DNAAF1: variants seen among roughly 807,000 people sequenced by gnomAD.
The protein encoded by DNAAF1 is dynein axonemal assembly factor 1, also known as dynein assembly factor 1, axonemal.
A neutral mutation model predicts 71.1 loss-of-function variants in DNAAF1; 65 were observed. The observed-to-expected ratio is 0.91, with a 90% CI of 0.75 to 1.12. The LOEUF (loss-of-function observed/expected upper bound fraction) is 1.12. DNAAF1 is among the 50% of genes most tolerant of loss of function. The pLI, the probability that DNAAF1 is intolerant of heterozygous loss-of-function variation, is 0.00. For synonymous variants in DNAAF1, 414 were observed against 354.6 expected (o/e 1.17, Z -1.88); for missense variants, 1,178 against 899.8 (o/e 1.31, Z -3.96).
chr16:84,158,262 G>A (rs1252031848), intron 5 of DNAAF1, among the ~76,000 whole-genome samples: 1 of 152,172 alleles, frequency 6.6e-6, no homozygotes, highest in Non-Finnish European at 1.5e-5. Flanking sequence ...TCTGGAGACT[G>A]AAAGTCAAGA....
chr16:84,153,072 C>T (rs974680300), intron 3 of DNAAF1, among the ~76,000 whole-genome samples: 1 of 151,950 alleles, frequency 6.6e-6, no homozygotes, highest in African/African-American at 2.4e-5. Context: ...GAAATGTGAC[C>T]AGTTACTGGC....
intron 6 of DNAAF1, 26 bp from the exon 7 acceptor site, chr16:84,165,757 T>C: frequency 6.2e-7 from 1 of 1,605,328 alleles, no homozygotes; most frequent in East Asian, 2.2e-5. Context: ...ACCTCCCCTA[T>C]TTATGTTTCT....
chr16:84,148,592 C>CTTTTTTTTTTTTTTTTTTTTT (rs1298445444), intron 1 of DNAAF1, among the ~76,000 whole-genome samples: 7 of 33,486 alleles, frequency 2.1e-4, no homozygotes, highest in South Asian at 8.5e-4. Flanking sequence ...TTCTCTCTCT[C>CTTTTTTTTTTTTTTTTTTTTT]TCTCTTTTTT....
intron 1 of DNAAF1, 103 bp from the exon 2 acceptor site, chr16:84,148,904 G>C (rs570508009): frequency 1.5e-6 from 2 of 1,318,876 alleles, no homozygotes; most frequent in Non-Finnish European, 2.2e-6. Context: ...AAGAATACTG[G>C]TGTTCTATAC....
At chr16:84,157,510 CAAAAA>C (rs59707812) in intron 5 of DNAAF1, among the ~76,000 whole-genome samples, 4 of 82,346 alleles carry the variant, frequency 4.9e-5, no homozygotes, top group Non-Finnish European at 4.9e-5. Context: ...GACACTGTGT[CAAAAA>C]AAAAAAAAAA....
In DNAAF1 at chr16:84,169,929, G is replaced by A. The variant is rs772659833; in HGVS notation, c.1101G>A (p.Gly367=). The A allele has an allele frequency of 1.9e-6, 3 of 1,614,136 alleles. No homozygotes were observed. Among genetic ancestry groups the A allele is most frequent in the Non-Finnish European group, 2.5e-6 (3 of 1,180,036 alleles). The change falls in exon 8 of 12, where the codon GGG becomes GGA. Residue 367 remains glycine (G), a synonymous_variant. Transcript: ENST00000378553. ...CGGAAGGCAAGGAGGAGCCTCCCGG[G>A]GACAGAGAAACAAGGCAGAAGATGG... is the stretch of plus-strand genomic sequence containing the variant. ...ASAEGKEEPP[G]DRETRQKMEL... is the part of the protein sequence containing the mutation.
Position 84,176,083 on chromosome 16 carries a change from G to C in DNAAF1, c.1849G>C (p.Ala617Pro). 1 of 1,614,048 alleles carries C rather than the reference G, an allele frequency of 6.2e-7. No homozygotes were observed. The highest frequency in any genetic ancestry group is 1.1e-5 in the South Asian group (1 of 91,086). Residue 617 changes from alanine (A) to proline (P), a missense_variant, in exon 11 of 12, where the codon GCT becomes CCT. Physicochemically the swap from Ala to Pro is conservative, Grantham distance 27. Transcript: ENST00000378553. ...AGTCTCTAAAGACACCTCAAAGGCG[G>C]CTCGGGTGCCCTTCACAGACATCTT... Reference protein sequence around the residue: ...FAVSKDTSKAARVPFTDIFKK... With the variant: ...FAVSKDTSKAPRVPFTDIFKK...
rs148460777 is a variant in DNAAF1 at position 84,177,029 on chromosome 16, G to A, written c.2066-700G>A. ...GCCTTCAGGTGCACTCCCAAATTGG[G>A]GGCTGTGTGGAGCCCAGACCGTGCT... On this transcript the variant is annotated intron_variant, in intron 11 of 11. Coordinates refer to ENST00000378553, the MANE Select transcript of DNAAF1 (RefSeq NM_178452.6). 2.3e-3 allele frequency: 382 copies of A among 165,552 alleles called. 1 individual carries two copies. Among genetic ancestry groups the A allele is most frequent in the African/African-American group, 8.6e-3 (361 of 41,780 alleles). The allele number at this position is 165,552 out of a possible 1,614,324, so 10.3% of individuals were successfully genotyped here. A position where few individuals can be genotyped will look rare whatever the true frequency, so the allele number is the denominator to read the frequency against.
intron 4 of DNAAF1, among the ~76,000 whole-genome samples, chr16:84,155,331 C>T (rs1034836030): frequency 8.5e-5 from 13 of 152,160 alleles, no homozygotes; most frequent in East Asian, 1.9e-4. Context: ...TGGTCTCAAG[C>T]GATCCTCCCA....
At chr16:84,154,486 C>A in intron 3 of DNAAF1, 91 bp from the exon 4 acceptor site, 1 of 1,070,866 alleles carries the variant, frequency 9.3e-7, no homozygotes, top group South Asian at 1.3e-5. Flanking sequence ...CACAGACATT[C>A]AGTTCCTAAT....
intron 1 of DNAAF1, among the ~76,000 whole-genome samples, chr16:84,147,851 A>C (rs1245840408): frequency 6.6e-6 from 1 of 152,096 alleles, no homozygotes; most frequent in Non-Finnish European, 1.5e-5. Context: ...GGGTCACCTG[A>C]GGTCAGGAGT....
At chr16:84,158,494 C>A (rs935575121) in intron 5 of DNAAF1, among the ~76,000 whole-genome samples, 1 of 152,300 alleles carries the variant, frequency 6.6e-6, no homozygotes, top group African/African-American at 2.4e-5. Context: ...AATACAGTCA[C>A]ATTCTGAGGT....
chr16:84,170,961 AT>A (rs1221634205), intron 8 of DNAAF1, among the ~76,000 whole-genome samples: 1 of 152,250 alleles, frequency 6.6e-6, no homozygotes, highest in Non-Finnish European at 1.5e-5. Flanking sequence ...CAATATAAAA[AT>A]TATCAGTGAG....
chr16:84,146,389 C>A (rs1358749488), intron 1 of DNAAF1, among the ~76,000 whole-genome samples: 2 of 152,104 alleles, frequency 1.3e-5, no homozygotes, highest in African/African-American at 2.4e-5. Flanking sequence ...AGTGTGTGAT[C>A]CCCTCACCAA....
chr16:84,148,277 T>G (rs2087008272), intron 1 of DNAAF1, among the ~76,000 whole-genome samples: 3 of 152,150 alleles, frequency 2.0e-5, no homozygotes, highest in Admixed American at 6.6e-5. Flanking sequence ...GTGCTTATTT[T>G]GAAACTTGCT....
At chr16:84,175,776 C>A (rs1447226676) in intron 10 of DNAAF1, 157 bp from the exon 11 acceptor site, 2 of 946,960 alleles carry the variant, frequency 2.1e-6, no homozygotes, top group Non-Finnish European at 1.6e-6. Flanking sequence ...ACCCCCAGGC[C>A]TAACTTTCAG....
In DNAAF1 at chr16:84,155,678, G is replaced by A. The variant is rs776736624; in HGVS notation, c.670G>A (p.Val224Ile). Residue 224 changes from valine (V) to isoleucine (I), a missense_variant, in exon 5 of 12, where the codon GTC becomes ATC. Coordinates refer to ENST00000378553, the MANE Select transcript of DNAAF1 (RefSeq NM_178452.6). The stretch of plus-strand genomic sequence containing the variant: ...TCTACAAGAGTGTTTGAGGCTTTGT[G>A]TCCTTGACCTTTCGCACAACAAGCT... ...QHLQECLRLC[V>I]LDLSHNKLSD... The A allele has an allele frequency of 1.9e-6, 3 of 1,614,148 alleles. No individual in the cohort carries two copies. The Admixed American group carries it at 5.0e-5, about 27-fold the overall frequency.
At chr16:84,171,425 C>T (rs535571254) in intron 8 of DNAAF1, among the ~76,000 whole-genome samples, 6 of 152,048 alleles carry the variant, frequency 3.9e-5, no homozygotes, top group African/African-American at 9.6e-5. Context: ...GCACTCCAGC[C>T]GGGGTGACAG....
intron 6 of DNAAF1, among the ~76,000 whole-genome samples, chr16:84,161,026 T>A (rs1198339272): frequency 7.0e-6 from 1 of 143,114 alleles, no homozygotes; most frequent in Non-Finnish European, 1.5e-5. Context: ...GGTCTGGGGG[T>A]GGTAAGGACG....
Sources: gnomAD v4.1 joint callset for allele counts (sites outside exome capture counted in the v4.1 genomes callset) on GRCh38, gnomAD v4.1.1 for gene constraint, MANE v1.5 for transcripts, NCBI Gene and HGNC (gene_info 2026-07-23, HGNC 2026-07-21) for gene names.